TMEM150C: variants seen among roughly 807,000 people sequenced by gnomAD.
TMEM150C encodes the protein tentonin 3.
Under a neutral mutation model 29.9 loss-of-function variants are expected in TMEM150C, and 10 were observed. The ratio of observed to expected loss-of-function variants is 0.33; its 90% CI spans 0.21 to 0.57. TMEM150C has a LOEUF of 0.57. TMEM150C is among the 20% of genes least tolerant of loss of function. TMEM150C has a pLI of 0.88. For missense variants in TMEM150C, 251 were observed against 303.6 expected (o/e 0.83, Z 1.29); for synonymous variants, 101 against 112.5 (o/e 0.90, Z 0.64).
Position 82,485,475 on chromosome 4 carries a change from T to C in TMEM150C, c.*36A>G. 1.3e-6 allele frequency: 2 copies of C among 1,540,162 alleles called. No individual in the cohort carries two copies. Among genetic ancestry groups the C allele is most frequent in the Non-Finnish European group, 1.8e-6 (2 of 1,133,188 alleles). On this transcript the variant is annotated 3_prime_UTR_variant, in exon 8 of 8. Transcript: ENST00000449862. ...TGTCCTACTGGCCCCTCCCCCACTGTCACACCCACCTCACCAGCAAGGAAA... is the reference window on the plus strand; with the variant it reads ...TGTCCTACTGGCCCCTCCCCCACTGCCACACCCACCTCACCAGCAAGGAAA...
chr4:82,507,536 C>T (rs886537347), intron 1 of TMEM150C, among the ~76,000 whole-genome samples: 3 of 151,970 alleles, frequency 2.0e-5, no homozygotes, highest in South Asian at 2.1e-4. Context: ...AATAGAGAAA[C>T]GACTCTGATG....
intron 1 of TMEM150C, among the ~76,000 whole-genome samples, chr4:82,513,115 G>T (rs1252206517): frequency 1.3e-5 from 2 of 152,316 alleles, no homozygotes; most frequent in Non-Finnish European, 2.9e-5. Flanking sequence ...TCCTTAAGTG[G>T]GTCCTTGACC....
intron 1 of TMEM150C, among the ~76,000 whole-genome samples, chr4:82,543,477 T>C (rs1336404176): frequency 6.6e-6 from 1 of 152,232 alleles, no homozygotes; most frequent in South Asian, 2.1e-4. Context: ...GCAAGTCTAA[T>C]GCTTATTCCA....
intron 1 of TMEM150C, among the ~76,000 whole-genome samples, chr4:82,522,347 C>T (rs1433804061): frequency 6.6e-6 from 1 of 152,164 alleles, no homozygotes; most frequent in Non-Finnish European, 1.5e-5. Flanking sequence ...GAGTAAGCTC[C>T]AATAACACGC....
Position 82,490,180 on chromosome 4 carries a change from G to C in TMEM150C, c.422C>G (p.Thr141Arg), listed in dbSNP as rs1167994342. The change falls in exon 7 of 8, where the codon ACA (threonine) becomes AGA (arginine). Residue 141 changes from threonine (T) to arginine (R), a missense_variant. Coordinates refer to ENST00000449862, the MANE Select transcript of TMEM150C (RefSeq NM_001080506.3). ...VGTSLTFGFGTLTCWIQAALT... is the reference protein window; with the variant it reads ...VGTSLTFGFGRLTCWIQAALT... ...CGCAGCCTGGATCCAGCAGGTCAAT[G>C]TGCCAAATCCAAAGGTCAAGGAAGT... 6.2e-7 allele frequency: 1 copy of C among 1,613,994 alleles called. No homozygotes were observed. The highest frequency in any genetic ancestry group is 1.1e-5 in the South Asian group (1 of 91,086).
At chr4:82,535,540 G>A (rs1724976780) in intron 1 of TMEM150C, among the ~76,000 whole-genome samples, 1 of 152,188 alleles carries the variant, frequency 6.6e-6, no homozygotes. Flanking sequence ...ACACCTCAGA[G>A]GTACAGTGAC....
intron 1 of TMEM150C, among the ~76,000 whole-genome samples, chr4:82,544,754 G>C (rs1168312163): frequency 7.4e-6 from 1 of 135,830 alleles, no homozygotes; most frequent in Non-Finnish European, 1.5e-5. Context: ...ATTCCAGCCT[G>C]GGTGACAGAG....
chr4:82,559,042 A>G, intron 1 of TMEM150C, among the ~76,000 whole-genome samples: 1 of 151,574 alleles, frequency 6.6e-6, no homozygotes, highest in Middle Eastern at 3.4e-3. Context: ...AATTCTCCCC[A>G]CCCTTGAGAA....
At chr4:82,499,775 A>G (rs191905607) in intron 5 of TMEM150C, among the ~76,000 whole-genome samples, 36 of 149,804 alleles carry the variant, frequency 2.4e-4, no homozygotes, top group Admixed American at 2.0e-3. Context: ...GATTTTTCTA[A>G]TTACATTTTA....
Position 82,496,189 on chromosome 4 carries a change from A to T in TMEM150C, c.242T>A (p.Val81Glu), listed in dbSNP as rs368643650. The T allele has an allele frequency of 1.9e-6, 3 of 1,613,820 alleles. No individual in the cohort carries two copies. In the African/African-American group the frequency reaches 4.0e-5, roughly 22 times the overall value. Residue 81 changes from valine to glutamate, a missense_variant, in exon 6 of 8, where the codon GTG becomes GAG. Transcript: ENST00000449862. ...TTGTATGAAGCGCAGAACAGCTACC[A>T]CAAGGGCTAGGAATAAAGCAAAGTC... ...VMNMAAFLAL[V>E]VAVLRFIQLK... is the part of the protein sequence containing the mutation.
rs1036555568 is a variant in TMEM150C at position 82,484,561 on chromosome 4, T to G, written c.*950A>C. 12 of 152,154 alleles carry G rather than the reference T, an allele frequency of 7.9e-5. No individual in the cohort carries two copies. The highest frequency in any genetic ancestry group is 2.4e-4 in the African/African-American group (10 of 41,426). The allele number at this position is 152,154 out of a possible 1,614,324, so 9.4% of individuals were successfully genotyped here. Reference sequence around the variant, plus strand: ...TTTTATTACCTCTGCACATCCATATTTCTTTCCATTTTTCTGTGATATTTT... The same window carrying G: ...TTTTATTACCTCTGCACATCCATATGTCTTTCCATTTTTCTGTGATATTTT... On this transcript the variant is annotated 3_prime_UTR_variant, in exon 8 of 8. Transcript: ENST00000449862.
chr4:82,500,341 G>A (rs1560482874), intron 5 of TMEM150C, among the ~76,000 whole-genome samples: 1 of 152,210 alleles, frequency 6.6e-6, no homozygotes, highest in Non-Finnish European at 1.5e-5. Flanking sequence ...AGTCTAACAA[G>A]GGCAGGCCTG....
At chr4:82,562,120 G>C, upstream of TMEM150C, 1 of 1,261,092 alleles carries the variant, frequency 7.9e-7, no homozygotes, top group Non-Finnish European at 1.0e-6. Flanking sequence ...TGATCCCCTG[G>C]GTCTCGGGCT....
At chr4:82,558,602 T>G (rs2110096156) in intron 1 of TMEM150C, among the ~76,000 whole-genome samples, 1 of 152,190 alleles carries the variant, frequency 6.6e-6, no homozygotes, top group Non-Finnish European at 1.5e-5. Flanking sequence ...ACAAGTTGTC[T>G]TTCAAAATCT....
intron 1 of TMEM150C, among the ~76,000 whole-genome samples, chr4:82,561,571 C>G (rs901558282): frequency 6.6e-6 from 1 of 150,382 alleles, no homozygotes; most frequent in African/African-American, 2.4e-5. Flanking sequence ...GGGCCGGGGC[C>G]GCAGCGGGCG....
chr4:82,489,262 T>A (rs112883290), intron 7 of TMEM150C, among the ~76,000 whole-genome samples: 4 of 152,102 alleles, frequency 2.6e-5, no homozygotes, highest in African/African-American at 9.6e-5. Flanking sequence ...ACACTACCAG[T>A]AGGTGAGGCC....
chr4:82,512,987 G>C (rs1224650903), intron 1 of TMEM150C, among the ~76,000 whole-genome samples: 1 of 152,198 alleles, frequency 6.6e-6, no homozygotes, highest in Non-Finnish European at 1.5e-5. Context: ...GGGCAACTTG[G>C]GGAAGGGGCA....
intron 1 of TMEM150C, among the ~76,000 whole-genome samples, chr4:82,521,604 C>T (rs1724488049): frequency 6.6e-6 from 1 of 152,078 alleles, no homozygotes; most frequent in Admixed American, 6.6e-5. Flanking sequence ...TCAAGCTGGG[C>T]CTTGGGTAGT....
chr4:82,542,521 G>A (rs1347612171), intron 1 of TMEM150C, among the ~76,000 whole-genome samples: 1 of 152,216 alleles, frequency 6.6e-6, no homozygotes, highest in Non-Finnish European at 1.5e-5. Context: ...GGAAGATGAG[G>A]TAAGCAGGAC....
Sources: gnomAD v4.1 joint callset for allele counts (sites outside exome capture counted in the v4.1 genomes callset) on GRCh38, gnomAD v4.1.1 for gene constraint, MANE v1.5 for transcripts, NCBI Gene and HGNC (gene_info 2026-07-23, HGNC 2026-07-21) for gene names.